The following MTUS2 variants were observed in gnomAD, a reference collection of about 807,000 sequenced individuals.
MTUS2 encodes microtubule-associated tumor suppressor candidate 2.
Under a neutral mutation model 114.1 loss-of-function variants are expected in MTUS2, and 40 were observed. The observed-to-expected ratio is 0.35, with a 90% CI of 0.27 to 0.46. MTUS2 has a LOEUF of 0.46. MTUS2 is among the 20% of genes least tolerant of loss of function. The pLI is 1.00. For missense variants in MTUS2, 1,679 were observed against 1,705.4 expected, an observed-to-expected ratio of 0.98 and a Z score of 0.27; for synonymous variants, 688 against 672.0, an observed-to-expected ratio of 1.02 and a Z score of -0.37.
chr13:29,480,034 C>A lies in MTUS2; in HGVS notation c.3185-116C>A. The A allele has an allele frequency of 9.8e-7, 1 of 1,017,184 alleles. No individual in the cohort carries two copies. Among genetic ancestry groups the A allele is most frequent in the Non-Finnish European group, 1.4e-6 (1 of 691,578 alleles). 63.0% of individuals were successfully genotyped at this position (1,017,184 alleles called of 1,614,324 possible). A position where few individuals can be genotyped will look rare whatever the true frequency, so the allele number is the denominator to read the frequency against. On this transcript the variant is annotated intron_variant, in intron 9 of 15. Transcript: ENST00000612955. This position sits in a 1 kb window ranked among gnomAD's most constrained non-coding sequence, Gnocchi z 4.4. Reference sequence around the variant, plus strand: ...ACAAACTGTGTAGCCCTGCAGAAGTCAGAGGACCTCGCCCTGTTTATTACG... The same window carrying A: ...ACAAACTGTGTAGCCCTGCAGAAGTAAGAGGACCTCGCCCTGTTTATTACG...
intron 8 of MTUS2, among the ~76,000 whole-genome samples, chr13:29,437,742 T>C (rs1593442680): frequency 6.6e-6 from 1 of 152,146 alleles, no homozygotes; most frequent in East Asian, 1.9e-4. Context: ...GGCCCAGGAA[T>C]TTGTGACCAT....
intron 2 of MTUS2, among the ~76,000 whole-genome samples, chr13:28,851,858 G>A (rs1266291846): frequency 6.6e-6 from 1 of 152,174 alleles, no homozygotes; most frequent in Non-Finnish European, 1.5e-5. Context: ...TCCTGGAGCG[G>A]GTGGCATTGT....
intron 8 of MTUS2, among the ~76,000 whole-genome samples, chr13:29,424,373 CA>C (rs1304757072): frequency 6.6e-6 from 1 of 152,076 alleles, no homozygotes; most frequent in Non-Finnish European, 1.5e-5. Context: ...TCAAAGAAGT[CA>C]CCCCAGTTGA....
rs114934936 is a variant in MTUS2, at chr13:29,255,050, C to T, written c.2645-26654C>T. ...CTGAAAGATGGCAAGTTCTGAATAT[C>T]CCCTAGCTTATAAGCAAGTGATTTT... On this transcript the variant is annotated intron_variant, in intron 5 of 15. Transcript: ENST00000612955. 4.4e-3 allele frequency among the ~76,000 whole-genome samples: 666 copies of T among 152,270 alleles called. 3 individuals are homozygous for T. The highest frequency in any genetic ancestry group is 0.015 in the African/African-American group (627 of 41,550).
intron 4 of MTUS2, among the ~76,000 whole-genome samples, chr13:29,081,312 C>T (rs901853483): frequency 3.9e-5 from 6 of 152,110 alleles, no homozygotes; most frequent in African/African-American, 1.2e-4. Flanking sequence ...AAGATGACAG[C>T]TTCAAACATC....
At chr13:28,924,445 C>T (rs1397840469) in intron 2 of MTUS2, among the ~76,000 whole-genome samples, 1 of 152,194 alleles carries the variant, frequency 6.6e-6, no homozygotes, top group Non-Finnish European at 1.5e-5. Context: ...TATCCTCCCG[C>T]TCTTGAGTAC....
intron 4 of MTUS2, among the ~76,000 whole-genome samples, chr13:29,084,818 G>T (rs1038596619): frequency 6.2e-5 from 7 of 113,560 alleles, no homozygotes; most frequent in African/African-American, 2.1e-4. Context: ...AAAGTGCTGG[G>T]ATTACAGGCA....
intron 5 of MTUS2, among the ~76,000 whole-genome samples, chr13:29,139,867 G>A (rs112116984): frequency 0.011 from 1,625 of 152,264 alleles, 27 homozygotes; most frequent in African/African-American, 0.037. Flanking sequence ...GGGCAAAGAG[G>A]AATAACTATC....
rs143780372 is a variant in MTUS2 at position 29,380,635 on chromosome 13, G to T, written c.3117+21162G>T. ...TCAGTGAAGATAAAAGACATCAGCTGGCCGGGCGCGGTGGCTCACGCCTGT... is the reference window on the plus strand; with the variant it reads ...TCAGTGAAGATAAAAGACATCAGCTTGCCGGGCGCGGTGGCTCACGCCTGT... On this transcript the variant is annotated intron_variant, in intron 8 of 15. Coordinates refer to ENST00000612955, the MANE Select transcript of MTUS2 (RefSeq NM_001033602.4). 4.3e-3 allele frequency among the ~76,000 whole-genome samples: 78 copies of T among 18,172 alleles called. 20 individuals are homozygous for T. The highest frequency in any genetic ancestry group is 5.1e-3 in the African/African-American group (69 of 13,494). 11.9% of individuals were successfully genotyped at this position (18,172 alleles called of 152,430 possible). A position where few individuals can be genotyped will look rare whatever the true frequency, so the allele number is the denominator to read the frequency against.
At chr13:29,208,239 C>G (rs931892716) in intron 5 of MTUS2, among the ~76,000 whole-genome samples, 27 of 152,068 alleles carry the variant, frequency 1.8e-4, no homozygotes, top group African/African-American at 6.3e-4. Context: ...TAGTAGCCTG[C>G]AATGATCTTT....
chr13:28,959,523 C>T (rs926976099), intron 2 of MTUS2, among the ~76,000 whole-genome samples: 6 of 73,008 alleles, frequency 8.2e-5, no homozygotes, highest in African/African-American at 2.8e-4. Context: ...TCATGGTCTG[C>T]AGGCTGTACA....
upstream of MTUS2, chr13:28,820,219 GC>G (rs1418185469): frequency 6.8e-6 from 1 of 146,856 alleles, no homozygotes; most frequent in East Asian, 2.0e-4. Flanking sequence ...CGTGCGGGCG[GC>G]TCCGGTCCCC....
chr13:28,922,874 C>T (rs1469767348), intron 2 of MTUS2, among the ~76,000 whole-genome samples: 4 of 152,144 alleles, frequency 2.6e-5, no homozygotes, highest in South Asian at 2.1e-4. Flanking sequence ...GGGAACAAAT[C>T]GTGTAGACTT....
chr13:28,864,941 T>G (rs1242779614), intron 2 of MTUS2, among the ~76,000 whole-genome samples: 1 of 152,226 alleles, frequency 6.6e-6, no homozygotes, highest in African/African-American at 2.4e-5. Context: ...TGATGTTTTT[T>G]GTTTAGTAGA....
intron 5 of MTUS2, among the ~76,000 whole-genome samples, chr13:29,216,889 G>A (rs7329385): frequency 0.025 from 3,779 of 152,212 alleles, 149 homozygotes; most frequent in African/African-American, 0.086. Flanking sequence ...AAGAGTTTCA[G>A]TTTTCCCACA....
At chr13:29,257,573 C>T (rs190274484) in intron 5 of MTUS2, among the ~76,000 whole-genome samples, 3 of 152,214 alleles carry the variant, frequency 2.0e-5, no homozygotes, top group Admixed American at 2.0e-4. Context: ...CTTATTTGAT[C>T]TTAAAAGGAG....
intron 8 of MTUS2, among the ~76,000 whole-genome samples, chr13:29,363,030 A>G (rs1014679064): frequency 6.6e-6 from 1 of 152,162 alleles, no homozygotes; most frequent in Non-Finnish European, 1.5e-5. Flanking sequence ...GTTCCTCACC[A>G]CGGGCCAAAC....
intron 5 of MTUS2, among the ~76,000 whole-genome samples, chr13:29,137,506 A>G (rs2138985778): frequency 6.6e-6 from 1 of 151,768 alleles, no homozygotes; most frequent in Non-Finnish European, 1.5e-5. Flanking sequence ...GGTGTCCCAC[A>G]AGTCCCTTAG....
At chr13:29,139,335 G>C (rs1181565540) in intron 5 of MTUS2, among the ~76,000 whole-genome samples, 1 of 152,066 alleles carries the variant, frequency 6.6e-6, no homozygotes, top group Non-Finnish European at 1.5e-5. Context: ...ATGCATTTCT[G>C]TTTTCCTCTA....
Sources: allele counts gnomAD v4.1 joint callset (sites outside exome capture counted in the v4.1 genomes callset), GRCh38; gene constraint gnomAD v4.1.1; non-coding constraint Gnocchi (gnomAD v3.1); transcripts MANE v1.5; gene names NCBI Gene and HGNC (gene_info 2026-07-23, HGNC 2026-07-21).